TNIK: variants seen among roughly 807,000 people sequenced by gnomAD.
The protein encoded by TNIK is TRAF2 and NCK interacting kinase.
TNIK carries 49 observed loss-of-function variants against 191.3 expected under a neutral mutation model. The observed-to-expected ratio is 0.26, with a 90% CI of 0.20 to 0.32. The LOEUF is 0.32. Among genes scored for constraint, TNIK ranks in the 10% least tolerant of loss-of-function variants. The probability of loss-of-function intolerance (pLI) is 1.00; values close to 1 mark genes in which losing one functional copy is unlikely to be tolerated. For synonymous variants in TNIK, 594 were observed against 600.9 expected, an observed-to-expected ratio of 0.99 and a Z score of 0.17; for missense variants, 1,155 against 1,702.3, an observed-to-expected ratio of 0.68 and a Z score of 5.66.
chr3:171,338,659 GT>G (rs76315440), intron 2 of TNIK, among the ~76,000 whole-genome samples: 41,282 of 126,624 alleles, frequency 0.33, 5,189 homozygotes, highest in South Asian at 0.41. Flanking sequence ...CAGCTAAGTT[GT>G]TTTTTTTTTT....
At chr3:171,306,337 A>C (rs1467622680) in intron 2 of TNIK, among the ~76,000 whole-genome samples, 2 of 152,182 alleles carry the variant, frequency 1.3e-5, no homozygotes, top group Non-Finnish European at 2.9e-5. Context: ...TATGTAACAA[A>C]CCTGCACGTG....
chr3:171,301,251 A>G (rs987291711), intron 2 of TNIK, among the ~76,000 whole-genome samples: 14 of 152,084 alleles, frequency 9.2e-5, no homozygotes, highest in Admixed American at 5.9e-4. Flanking sequence ...ACTGTGTTCT[A>G]ACTGTGAGAA....
At chr3:171,088,194 C>T (rs114071781) in intron 23 of TNIK, among the ~76,000 whole-genome samples, 2,014 of 152,008 alleles carry the variant, frequency 0.013, 41 homozygotes, top group African/African-American at 0.046. Flanking sequence ...GCATTTGAAA[C>T]ATCACCTCTA....
intron 4 of TNIK, among the ~76,000 whole-genome samples, chr3:171,201,694 T>G (rs1739429737): frequency 6.6e-6 from 1 of 152,220 alleles, no homozygotes; most frequent in South Asian, 2.1e-4. Flanking sequence ...TAGGTATACA[T>G]TTGAATACAT....
chr3:171,411,709 G>A (rs1456827405), intron 1 of TNIK, among the ~76,000 whole-genome samples: 1 of 152,192 alleles, frequency 6.6e-6, no homozygotes, highest in African/African-American at 2.4e-5. Flanking sequence ...ATCAGGATGA[G>A]AAATCAATAC....
At chr3:171,444,986 A>G (rs1727302622) in intron 1 of TNIK, among the ~76,000 whole-genome samples, 2 of 152,132 alleles carry the variant, frequency 1.3e-5, no homozygotes, top group Non-Finnish European at 2.9e-5. Context: ...AAGTGCTGGG[A>G]TTACAGGCAT....
chr3:171,320,170 T>A (rs78131039), intron 2 of TNIK, among the ~76,000 whole-genome samples: 3,972 of 152,284 alleles, frequency 0.026, 169 homozygotes, highest in African/African-American at 0.09. Flanking sequence ...CCTTCCACGT[T>A]GGCCTATTAT....
chr3:171,397,547 C>T (rs187470040), intron 1 of TNIK, among the ~76,000 whole-genome samples: 4 of 152,352 alleles, frequency 2.6e-5, no homozygotes, highest in Admixed American at 2.6e-4. Flanking sequence ...GTGAACTCCA[C>T]ATTCCCCTCA....
intron 14 of TNIK, among the ~76,000 whole-genome samples, chr3:171,139,111 G>A (rs1301327384): frequency 6.6e-6 from 1 of 152,102 alleles, no homozygotes; most frequent in Non-Finnish European, 1.5e-5. Context: ...TTGTATTCCA[G>A]CATGTCGCAA....
At chr3:171,431,252 CA>C (rs1462304704) in intron 1 of TNIK, among the ~76,000 whole-genome samples, 1 of 151,814 alleles carries the variant, frequency 6.6e-6, no homozygotes, top group Non-Finnish European at 1.5e-5. Flanking sequence ...TCCCCCATAT[CA>C]ACAAACTTTT....
At chr3:171,382,177 T>C (rs1037732471) in intron 1 of TNIK, among the ~76,000 whole-genome samples, 2 of 151,934 alleles carry the variant, frequency 1.3e-5, no homozygotes, top group Admixed American at 1.3e-4. Flanking sequence ...AGCCTTTTGC[T>C]CTTTGGTAGA....
At chr3:171,368,998 T>C (rs985978144) in intron 2 of TNIK, among the ~76,000 whole-genome samples, 1 of 152,126 alleles carries the variant, frequency 6.6e-6, no homozygotes, top group Non-Finnish European at 1.5e-5. Flanking sequence ...CAGCCATTTT[T>C]CGTAGATTAT....
intron 2 of TNIK, among the ~76,000 whole-genome samples, chr3:171,253,158 C>T (rs1746435956): frequency 6.6e-6 from 1 of 151,420 alleles, no homozygotes; most frequent in Non-Finnish European, 1.5e-5. Flanking sequence ...GTGGCAGGTG[C>T]CTATAGTCCC....
At chr3:171,453,703 G>A (rs569234293) in intron 1 of TNIK, among the ~76,000 whole-genome samples, 1 of 152,268 alleles carries the variant, frequency 6.6e-6, no homozygotes, top group Admixed American at 6.5e-5. Context: ...GTCCTGTTGC[G>A]GGTGTTGCCC....
intron 2 of TNIK, among the ~76,000 whole-genome samples, chr3:171,304,887 T>C (rs530092063): frequency 2.6e-5 from 4 of 151,550 alleles, no homozygotes; most frequent in Non-Finnish European, 5.9e-5. Context: ...AAGGATAGCA[T>C]TGGGAGATAT....
At position 171,128,887 on chromosome 3, in the gene TNIK, CAAAAAA is replaced by C. The variant is rs59293515; in HGVS notation, c.1609-15_1609-10del. The C allele has an allele frequency of 2.8e-4, 350 of 1,243,910 alleles. No individual in the cohort carries two copies. The highest frequency in any genetic ancestry group is 1.2e-3 in the South Asian group (56 of 46,152). The allele number at this position is 1,243,910 out of a possible 1,614,324, so 77.1% of individuals were successfully genotyped here. ...CTTGACCGTTCTTCTACCTACAACC[CAAAAAA>C]AAAAAAAAAAAAAAGACAGCCTCAA... On this transcript the variant is annotated splice_polypyrimidine_tract_variant and intron_variant, in intron 15 of 32. Coordinates refer to ENST00000436636, the MANE Select transcript of TNIK (RefSeq NM_015028.4).
intron 2 of TNIK, among the ~76,000 whole-genome samples, chr3:171,363,456 G>C (rs1327199167): frequency 6.6e-6 from 1 of 152,024 alleles, no homozygotes; most frequent in Admixed American, 6.5e-5. Context: ...TTTTTTCATG[G>C]GCACTCAACA....
At chr3:171,389,998 C>T (rs1160155928) in intron 1 of TNIK, among the ~76,000 whole-genome samples, 1 of 152,174 alleles carries the variant, frequency 6.6e-6, no homozygotes, top group Non-Finnish European at 1.5e-5. Context: ...CAACATGATG[C>T]AAATACATCT....
intron 2 of TNIK, among the ~76,000 whole-genome samples, chr3:171,264,032 G>A (rs1258990056): frequency 6.6e-6 from 1 of 150,600 alleles, no homozygotes; most frequent in Non-Finnish European, 1.5e-5. Context: ...ATGTGTGTGT[G>A]TGTGTATATA....
Sources: allele counts gnomAD v4.1 joint callset (sites outside exome capture counted in the v4.1 genomes callset), GRCh38; gene constraint gnomAD v4.1.1; transcripts MANE v1.5; gene names NCBI Gene and HGNC (gene_info 2026-07-23, HGNC 2026-07-21).